Variants in LRRC74A observed in about 807,000 individuals in gnomAD.
LRRC74A encodes the protein leucine-rich repeat-containing protein 74A.
In LRRC74A, 44 loss-of-function variants were observed where a neutral mutation model predicts 57.9. The ratio of observed to expected loss-of-function variants is 0.76; its 90% CI spans 0.60 to 0.98. The LOEUF is 0.98. Ranked by LOEUF, LRRC74A falls within the 50% of genes least tolerant of loss-of-function variation. LRRC74A has a pLI of 0.00. For missense variants in LRRC74A, 572 were observed against 574.0 expected (o/e 1.00, Z 0.04); for synonymous variants, 211 against 219.4 (o/e 0.96, Z 0.34).
chr14:76,862,943 T>A (rs1312973319), intron 11 of LRRC74A, among the ~76,000 whole-genome samples: 5 of 151,846 alleles, frequency 3.3e-5, no homozygotes, highest in Non-Finnish European at 7.4e-5. Context: ...TGCTGGGCAG[T>A]GGATGTGATG....
In LRRC74A at chr14:76,828,430, G is replaced by A. The variant is rs1895735411; in HGVS notation, c.166+11G>A. On this transcript the variant is annotated intron_variant, in intron 2 of 13. Coordinates refer to ENST00000689127, the MANE Select transcript of LRRC74A (RefSeq NM_001385106.1). The stretch of plus-strand genomic sequence containing the variant: ...ACCTGGAGATTGAAGGCGAGCATGG[G>A]CATTTGGGGGCAGTCAGGGCAGCTT... 1.2e-6 allele frequency: 2 copies of A among 1,613,860 alleles called. No individual in the cohort carries two copies. Among genetic ancestry groups the A allele is most frequent in the Non-Finnish European group, 1.7e-6 (2 of 1,179,798 alleles).
At chr14:76,859,424 C>T (rs749677271) in intron 10 of LRRC74A, among the ~76,000 whole-genome samples, 3 of 151,502 alleles carry the variant, frequency 2.0e-5, no homozygotes, top group Non-Finnish European at 4.4e-5. Context: ...ATCATAGCTA[C>T]CTGGGAGGCT....
intron 11 of LRRC74A, among the ~76,000 whole-genome samples, chr14:76,865,495 G>A (rs747685357): frequency 3.3e-5 from 5 of 152,188 alleles, no homozygotes; most frequent in Non-Finnish European, 5.9e-5. Context: ...CTAGGAATTC[G>A]TAGAGCCAAA....
At chr14:76,832,884 A>C (rs1896066750) in intron 3 of LRRC74A, among the ~76,000 whole-genome samples, 1 of 152,192 alleles carries the variant, frequency 6.6e-6, no homozygotes, top group Non-Finnish European at 1.5e-5. Flanking sequence ...GTTCTGGGGC[A>C]ACAGGCAGCA....
chr14:76,865,130 G>A (rs557828827), intron 11 of LRRC74A, among the ~76,000 whole-genome samples: 20 of 152,340 alleles, frequency 1.3e-4, no homozygotes, highest in African/African-American at 3.8e-4. Flanking sequence ...GCCTTGCAAC[G>A]TGAGTAATAA....
chr14:76,843,347 C>T (rs1010978340), intron 5 of LRRC74A, among the ~76,000 whole-genome samples: 2 of 146,402 alleles, frequency 1.4e-5, no homozygotes, highest in Admixed American at 1.4e-4. Context: ...GATGATTTTA[C>T]ACTAATTTTG....
intron 9 of LRRC74A, among the ~76,000 whole-genome samples, chr14:76,856,200 A>C (rs1897863453): frequency 6.6e-6 from 1 of 152,002 alleles, no homozygotes; most frequent in Admixed American, 6.6e-5. Context: ...TTCTTTGGTG[A>C]ATCTTGTTTC....
Position 76,860,789 on chromosome 14 carries a change from T to A in LRRC74A, c.1150T>A (p.Ser384Thr). 1 of 1,610,896 alleles carries A rather than the reference T, an allele frequency of 6.2e-7. No homozygotes were observed. Among genetic ancestry groups the A allele is most frequent in the African/African-American group, 1.3e-5 (1 of 74,902 alleles). ...GGTATTCAAGGCAGTACAAGGCCTCTCTCCCAAGAAAACCATCTTCTTGTT... is the reference window on the plus strand; with the variant it reads ...GGTATTCAAGGCAGTACAAGGCCTCACTCCCAAGAAAACCATCTTCTTGTT... ...DVVFKAVQGL[S>T]PKKTIFLLTN... Residue 384 changes from serine to threonine, a missense_variant, in exon 11 of 14, where the codon TCT (serine) becomes ACT (threonine). Physicochemically the swap from Ser to Thr is moderately conservative, Grantham distance 58. Coordinates refer to ENST00000689127, the MANE Select transcript of LRRC74A (RefSeq NM_001385106.1).
chr14:76,828,724 C>G (rs1895765933), intron 2 of LRRC74A: 1 of 486,744 alleles, frequency 2.1e-6, no homozygotes, highest in African/African-American at 1.9e-5. Context: ...CCACGTGGGG[C>G]ATCCTATGCA....
Position 76,860,785 on chromosome 14 carries a change from C to A in LRRC74A, c.1146C>A (p.Gly382=). 1 of 1,610,762 alleles carries A rather than the reference C, an allele frequency of 6.2e-7. No individual in the cohort carries two copies. Among genetic ancestry groups the A allele is most frequent in the African/African-American group, 1.3e-5 (1 of 74,926 alleles). Residue 382 remains glycine, a synonymous_variant, in exon 11 of 14, where the codon GGC becomes GGA. Transcript: ENST00000689127. ...QLDVVFKAVQ[G]LSPKKTIFLL... is the part of the protein sequence containing the mutation. ...ACGTGGTATTCAAGGCAGTACAAGG[C>A]CTCTCTCCCAAGAAAACCATCTTCT...
In LRRC74A at chr14:76,844,481, C is replaced by T; in HGVS notation, c.594+9C>T. 2 of 1,610,470 alleles carry T rather than the reference C, an allele frequency of 1.2e-6. No individual in the cohort carries two copies. Among genetic ancestry groups the T allele is most frequent in the Non-Finnish European group, 1.7e-6 (2 of 1,178,612 alleles). On this transcript the variant is annotated intron_variant, in intron 6 of 13. Transcript: ENST00000689127. The stretch of plus-strand genomic sequence containing the variant: ...TCTGCCAAGCCCTGTCGGTAAGAGG[C>T]AGGGAGTGCAGCCAAGCCACGTGGG...
At position 76,853,419 on chromosome 14, in the gene LRRC74A, C is replaced by A; in HGVS notation, c.957+9C>A. On this transcript the variant is annotated intron_variant, in intron 9 of 13. Coordinates refer to ENST00000689127, the MANE Select transcript of LRRC74A (RefSeq NM_001385106.1). ...GCCTCAGAGTTCTGAAGGTAGTCTT[C>A]AGCTGGAAAGGGTGTGTGTGTGTGT... 2 of 1,251,642 alleles carry A rather than the reference C, an allele frequency of 1.6e-6. No homozygotes were observed. Among genetic ancestry groups the A allele is most frequent in the Non-Finnish European group, 2.2e-6 (2 of 917,836 alleles). 77.5% of individuals were successfully genotyped at this position (1,251,642 alleles called of 1,614,324 possible).
chr14:76,836,160 C>A, intron 3 of LRRC74A, 47 bp from the exon 4 acceptor site: 1 of 1,424,052 alleles, frequency 7.0e-7, no homozygotes, highest in South Asian at 1.2e-5. Flanking sequence ...CTGACTGGGT[C>A]ACCAACCACT....
intron 12 of LRRC74A, among the ~76,000 whole-genome samples, chr14:76,866,957 TGTGTGTGTGTGTGTGTGTTGGGGGG>T (rs2140315351): frequency 4.5e-4 from 1 of 2,224 alleles, no homozygotes; most frequent in African/African-American, 2.4e-3. Flanking sequence ...GGGGTGTGTG[TGTGTGTGTGTGTGTGTGTTGGGGGG>T]GTGGGGTGTG....
intron 7 of LRRC74A, among the ~76,000 whole-genome samples, chr14:76,850,310 G>A (rs886569519): frequency 1.3e-5 from 2 of 152,180 alleles, no homozygotes; most frequent in Admixed American, 1.3e-4. Context: ...GGATCACATG[G>A]GTAGTAAGTG....
intron 7 of LRRC74A, among the ~76,000 whole-genome samples, chr14:76,850,849 AAAAAAAAAAAAAAAAG>A (rs975731013): frequency 4.4e-4 from 14 of 32,032 alleles, no homozygotes; most frequent in African/African-American, 2.1e-3. Context: ...TGTCTCAAAA[AAAAAAAAAAAAAAAAG>A]AAAGAAAGAA....
intron 12 of LRRC74A, 63 bp from the exon 13 acceptor site, chr14:76,867,293 G>A (rs1354068072): frequency 4.4e-5 from 23 of 528,370 alleles, no homozygotes; most frequent in Non-Finnish European, 7.6e-5. Flanking sequence ...TGTTTGGGGG[G>A]GTGTGCCTAG....
intron 7 of LRRC74A, among the ~76,000 whole-genome samples, chr14:76,850,133 G>A (rs902369274): frequency 4.6e-5 from 7 of 152,102 alleles, no homozygotes; most frequent in East Asian, 3.9e-4. Context: ...GCGTGAACCT[G>A]GAAGGTGGAG....
intron 5 of LRRC74A, among the ~76,000 whole-genome samples, chr14:76,838,756 G>T (rs981397695): frequency 1.3e-5 from 2 of 152,104 alleles, no homozygotes; most frequent in Non-Finnish European, 2.9e-5. Flanking sequence ...CAGAAATAAA[G>T]TTTGTGTATT....
Sources: gnomAD v4.1 joint callset for allele counts (sites outside exome capture counted in the v4.1 genomes callset) on GRCh38, gnomAD v4.1.1 for gene constraint, MANE v1.5 for transcripts, NCBI Gene and HGNC (gene_info 2026-07-23, HGNC 2026-07-21) for gene names.